Variants in GALNT16 observed in about 807,000 individuals in gnomAD.
The protein encoded by GALNT16 is polypeptide N-acetylgalactosaminyltransferase 16, also known as UDP-GalNAc:polypeptide N-acetylgalactosaminyltransferase-like protein 1.
A neutral mutation model predicts 76.1 loss-of-function variants in GALNT16; 40 were observed. The ratio of observed to expected loss-of-function variants is 0.53; its 90% CI spans 0.41 to 0.68. The LOEUF (loss-of-function observed/expected upper bound fraction) is 0.68, where lower values mean the gene tolerates loss of function less well. GALNT16 is among the 30% of genes least tolerant of loss of function. The pLI, the probability that GALNT16 is intolerant of heterozygous loss-of-function variation, is 0.00. For synonymous variants in GALNT16, 276 were observed against 285.2 expected (o/e 0.97, Z 0.32); for missense variants, 621 against 731.9 (o/e 0.85, Z 1.75).
intron 1 of GALNT16, among the ~76,000 whole-genome samples, chr14:69,266,315 A>G (rs2140098684): frequency 6.6e-6 from 1 of 152,324 alleles, no homozygotes; most frequent in Middle Eastern, 3.4e-3. Context: ...TTGGGTTTTT[A>G]CCCCCAAATT....
chr14:69,287,520 G>A (rs576568220), intron 1 of GALNT16, among the ~76,000 whole-genome samples: 7 of 152,168 alleles, frequency 4.6e-5, no homozygotes, highest in African/African-American at 1.7e-4. Flanking sequence ...AACTGCTCCC[G>A]TAGCCTGAGC....
intron 2 of GALNT16, among the ~76,000 whole-genome samples, chr14:69,321,312 G>T (rs2140163814): frequency 6.6e-6 from 1 of 152,232 alleles, no homozygotes; most frequent in South Asian, 2.1e-4. Flanking sequence ...TCCCAGAAAT[G>T]CTTCCTAGTC....
chr14:69,320,903 A>T (rs751469331), intron 2 of GALNT16, 35 bp downstream of exon 2: 1 of 1,595,186 alleles, frequency 6.3e-7, no homozygotes, highest in South Asian at 1.1e-5. Flanking sequence ...AGGAAGAAAG[A>T]CTGAGAGAAA....
intron 1 of GALNT16, among the ~76,000 whole-genome samples, chr14:69,311,168 A>G (rs1284229652): frequency 6.6e-6 from 1 of 152,166 alleles, no homozygotes; most frequent in Non-Finnish European, 1.5e-5. Flanking sequence ...ACCCAAGATC[A>G]AGGCACCAGC....
chr14:69,269,014 G>A (rs553179468), intron 1 of GALNT16, among the ~76,000 whole-genome samples: 6 of 152,362 alleles, frequency 3.9e-5, no homozygotes, highest in African/African-American at 1.4e-4. Context: ...GAATCATCAG[G>A]AAGTGATAAA....
chr14:69,347,736 C>A, intron 13 of GALNT16, 141 bp from the exon 14 acceptor site: 1 of 836,244 alleles, frequency 1.2e-6, no homozygotes, highest in Non-Finnish European at 1.9e-6. Context: ...CAGTGAATAC[C>A]CATACATCTA....
chr14:69,317,938 G>A (rs1008745994), intron 1 of GALNT16, among the ~76,000 whole-genome samples: 5 of 152,320 alleles, frequency 3.3e-5, no homozygotes, highest in South Asian at 2.1e-4. Flanking sequence ...GGTGGTGACC[G>A]GGGCGAGGCC....
intron 1 of GALNT16, 33 bp from the exon 2 acceptor site, chr14:69,320,678 T>C: frequency 6.2e-7 from 1 of 1,600,338 alleles, no homozygotes; most frequent in Non-Finnish European, 8.5e-7. Context: ...TCCTCCTGCC[T>C]GTGGTCCTCT....
At chr14:69,328,322 C>A in intron 5 of GALNT16, 128 bp from the exon 6 acceptor site, 1 of 973,096 alleles carries the variant, frequency 1.0e-6, no homozygotes, top group Non-Finnish European at 1.5e-6. Flanking sequence ...AGTATAAAGT[C>A]AAATCTAATC....
Position 69,347,238 on chromosome 14 carries a change from T to G in GALNT16, c.1413+57T>G, listed in dbSNP as rs970209149. On this transcript the variant is annotated intron_variant, in intron 13 of 14. Transcript: ENST00000448469. ...GAGAGCTGGAGGCATTGTCCAGGAG[T>G]GGGGTGAGGGACTTCCCCCTACTCA... The G allele has an allele frequency of 7.4e-6, 11 of 1,490,394 alleles. No individual in the cohort carries two copies. In the African/African-American group the frequency reaches 1.5e-4, roughly 21 times the overall value. The allele number at this position is 1,490,394 out of a possible 1,614,324, so 92.3% of individuals were successfully genotyped here.
the GALNT16 span, among the ~76,000 whole-genome samples, chr14:69,381,119 T>C: frequency 6.6e-6 from 1 of 152,056 alleles, no homozygotes; most frequent in Non-Finnish European, 1.5e-5. Flanking sequence ...TTGTCTCTAC[T>C]AAAATACAAA....
At chr14:69,275,943 C>G (rs1337966788) in intron 1 of GALNT16, among the ~76,000 whole-genome samples, 2 of 152,320 alleles carry the variant, frequency 1.3e-5, no homozygotes, top group East Asian at 1.9e-4. Flanking sequence ...ACTTACAGTT[C>G]TACATGGCTG....
chr14:69,367,301 A>T, the GALNT16 span, among the ~76,000 whole-genome samples: 1 of 152,090 alleles, frequency 6.6e-6, no homozygotes, highest in South Asian at 2.1e-4. Context: ...TAACCCCCAA[A>T]GTGATGGTAT....
intron 12 of GALNT16, among the ~76,000 whole-genome samples, chr14:69,346,336 C>T (rs999124541): frequency 4.6e-5 from 7 of 152,194 alleles, no homozygotes; most frequent in Admixed American, 3.9e-4. Flanking sequence ...TCTTTTACAA[C>T]ATTTATAATT....
intron 12 of GALNT16, among the ~76,000 whole-genome samples, chr14:69,345,703 A>AGTGTGTGTGTGT (rs55871607): frequency 0.015 from 1,994 of 135,004 alleles, 55 homozygotes; most frequent in East Asian, 0.037. Context: ...ATAAGGTGTC[A>AGTGTGTGTGTGT]GTGTGTGTGT....
At chr14:69,368,040 G>A in the GALNT16 span, among the ~76,000 whole-genome samples, 1 of 152,048 alleles carries the variant, frequency 6.6e-6, no homozygotes, top group Non-Finnish European at 1.5e-5. Flanking sequence ...TGGCAAGAAA[G>A]TGATATAATC....
rs151069733 is a variant in GALNT16, at chr14:69,315,852, C to T, written c.178-4859C>T. Among the ~76,000 whole-genome samples, 96 of 152,224 alleles carry T rather than the reference C, an allele frequency of 6.3e-4. 1 individual carries two copies. The East Asian group carries it at 0.018, about 29-fold the overall frequency. On this transcript the variant is annotated intron_variant, in intron 1 of 14. Transcript: ENST00000448469. ...GGTAGGTAGGTAGATAGATACTTTACATCTCTTGGTTCTGATTGTTTCTTC... is the reference window on the plus strand; with the variant it reads ...GGTAGGTAGGTAGATAGATACTTTATATCTCTTGGTTCTGATTGTTTCTTC...
the GALNT16 span, among the ~76,000 whole-genome samples, chr14:69,375,379 C>A: frequency 1.3e-5 from 2 of 152,190 alleles, no homozygotes; most frequent in Non-Finnish European, 2.9e-5. Flanking sequence ...AATGTTTAGA[C>A]CATTTACATT....
intron 1 of GALNT16, among the ~76,000 whole-genome samples, chr14:69,267,639 G>C (rs1186309403): frequency 1.3e-5 from 2 of 152,168 alleles, no homozygotes; most frequent in African/African-American, 4.8e-5. Flanking sequence ...GAGTGGCCCA[G>C]GATGGAAACA....
Sources: allele counts gnomAD v4.1 joint callset (sites outside exome capture counted in the v4.1 genomes callset), GRCh38; gene constraint gnomAD v4.1.1; transcripts MANE v1.5; gene names NCBI Gene and HGNC (gene_info 2026-07-23, HGNC 2026-07-21).